The following DPF3 variants were observed in gnomAD, a reference collection of about 807,000 sequenced individuals.
The protein encoded by DPF3 is zinc finger protein DPF3.
DPF3 carries 18 observed loss-of-function variants against 56.8 expected under a neutral mutation model. The ratio of observed to expected loss-of-function variants is 0.32; its 90% confidence interval spans 0.22 to 0.47. DPF3 has a LOEUF of 0.47. Among genes scored for constraint, DPF3 ranks in the 20% least tolerant of loss-of-function variants. The pLI is 1.00. For missense variants in DPF3, 403 were observed against 488.8 expected, an observed-to-expected ratio of 0.82 and a Z score of 1.65; for synonymous variants, 188 against 180.2, an observed-to-expected ratio of 1.04 and a Z score of -0.35.
At chr14:72,625,345 T>C (rs1392101303) in intron 9 of DPF3, among the ~76,000 whole-genome samples, 1 of 152,228 alleles carries the variant, frequency 6.6e-6, no homozygotes, top group African/African-American at 2.4e-5. Flanking sequence ...GTCATTATTT[T>C]TTTGCTCAAG....
At chr14:72,698,496 T>C (rs1262386528) in intron 6 of DPF3, among the ~76,000 whole-genome samples, 1 of 152,110 alleles carries the variant, frequency 6.6e-6, no homozygotes, top group African/African-American at 2.4e-5. Context: ...CTAGGCAACA[T>C]GGTCTCTACA....
chr14:72,653,243 G>C (rs935361353), intron 8 of DPF3, among the ~76,000 whole-genome samples: 5 of 152,190 alleles, frequency 3.3e-5, no homozygotes, highest in African/African-American at 1.2e-4. Context: ...CTTCTGACAA[G>C]GCTGCTAGGA....
chr14:72,621,009 C>CGT lies in DPF3; in HGVS notation c.985-1027_985-1026dup, dbSNP rs529551826. On this transcript the variant is annotated intron_variant, in intron 9 of 10. Transcript: ENST00000556509. ...TACAAAAATTAGCCAGGCATGGTGG[C>CGT]GTGCACCTGTAATCCCAGCTACTCA... 7.9e-5 allele frequency among the ~76,000 whole-genome samples: 12 copies of CGT among 152,148 alleles called. No homozygotes were observed. In the East Asian group the frequency reaches 1.7e-3, roughly 22 times the overall value.
intron 1 of DPF3, among the ~76,000 whole-genome samples, chr14:72,828,959 A>G (rs1883936208): frequency 1.3e-5 from 2 of 152,176 alleles, no homozygotes; most frequent in Admixed American, 6.5e-5. Context: ...GGAAAAGGAG[A>G]TAATAGAAAC....
chr14:72,643,625 A>T (rs1406434821), intron 8 of DPF3, among the ~76,000 whole-genome samples: 2 of 152,116 alleles, frequency 1.3e-5, no homozygotes, highest in Admixed American at 6.5e-5. Context: ...TCACAGTCCC[A>T]CTCAGACTTG....
At chr14:72,771,596 G>GTATC in intron 2 of DPF3, 137 bp downstream of exon 2, 1 of 967,780 alleles carries the variant, frequency 1.0e-6, no homozygotes, top group Non-Finnish European at 1.4e-6. Flanking sequence ...CTTCTTTAAG[G>GTATC]TATCTCAGAG....
At chr14:72,628,522 T>C (rs746199952) in intron 9 of DPF3, among the ~76,000 whole-genome samples, 15 of 152,138 alleles carry the variant, frequency 9.9e-5, no homozygotes, top group Non-Finnish European at 1.2e-4. Context: ...CCTAACAAAA[T>C]AGTCAATCCA....
intron 9 of DPF3, 102 bp from the exon 10 acceptor site, chr14:72,620,086 A>G: frequency 2.4e-6 from 3 of 1,229,094 alleles, no homozygotes; most frequent in South Asian, 1.7e-5. Flanking sequence ...CGTCGGTCTC[A>G]CTGGATCCCC....
chr14:72,799,985 G>A (rs922816380), intron 1 of DPF3, among the ~76,000 whole-genome samples: 1 of 152,166 alleles, frequency 6.6e-6, no homozygotes, highest in African/African-American at 2.4e-5. Flanking sequence ...TTAGTTACAT[G>A]AGCCCACACA....
intron 1 of DPF3, among the ~76,000 whole-genome samples, chr14:72,878,516 C>T (rs541739833): frequency 1.3e-5 from 2 of 152,304 alleles, no homozygotes; most frequent in South Asian, 4.1e-4. Context: ...TTCACCAGAA[C>T]CCAGCCTTGG....
intron 1 of DPF3, among the ~76,000 whole-genome samples, chr14:72,827,623 C>T (rs1317789085): frequency 6.6e-6 from 1 of 150,966 alleles, no homozygotes; most frequent in Non-Finnish European, 1.5e-5. Flanking sequence ...ACTACAGGTG[C>T]CCACCGCCAT....
intron 1 of DPF3, among the ~76,000 whole-genome samples, chr14:72,893,200 C>G (rs1311592432): frequency 1.3e-5 from 2 of 152,178 alleles, no homozygotes; most frequent in East Asian, 3.9e-4. Flanking sequence ...GACGCTGCCC[C>G]CTCGGGCCAG....
At chr14:72,647,946 G>A (rs1291337814) in intron 8 of DPF3, among the ~76,000 whole-genome samples, 1 of 152,050 alleles carries the variant, frequency 6.6e-6, no homozygotes, top group Non-Finnish European at 1.5e-5. Flanking sequence ...CTCCTCTCAC[G>A]TCGTCACTGC....
chr14:72,661,854 C>CTTTTTTTT (rs60114618), intron 8 of DPF3: 1 of 699,800 alleles, frequency 1.4e-6, no homozygotes, highest in African/African-American at 2.5e-5. Context: ...TTTATTTTTG[C>CTTTTTTTT]TTTTTTTTTT....
At chr14:72,888,869 T>C (rs1886647872) in intron 1 of DPF3, among the ~76,000 whole-genome samples, 1 of 152,232 alleles carries the variant, frequency 6.6e-6, no homozygotes, top group South Asian at 2.1e-4. Flanking sequence ...TAAACAGGCC[T>C]GGATTCTGGT....
At chr14:72,892,602 C>G in intron 1 of DPF3, 2 of 1,229,046 alleles carry the variant, frequency 1.6e-6, no homozygotes, top group Non-Finnish European at 2.0e-6. Flanking sequence ...TCCCCGGGAG[C>G]GAACCTGGTT....
chr14:72,784,535 A>C (rs546990467), intron 1 of DPF3, among the ~76,000 whole-genome samples: 1 of 152,234 alleles, frequency 6.6e-6, no homozygotes, highest in Admixed American at 6.5e-5. Flanking sequence ...TTATTTTCCC[A>C]GGTTCCCATT....
intron 4 of DPF3, 108 bp downstream of exon 4, chr14:72,731,697 CTG>C (rs1182267919): frequency 2.1e-6 from 3 of 1,459,350 alleles, no homozygotes; most frequent in Non-Finnish European, 2.8e-6. Context: ...CAGTCTGAGA[CTG>C]AGCCCCGGCC....
At position 72,619,145 on chromosome 14, in the gene DPF3, C is replaced by T. The variant is rs748525520; in HGVS notation, c.*152G>A. Among the ~76,000 whole-genome samples, 94 of 152,204 alleles carry T rather than the reference C, an allele frequency of 6.2e-4. 1 individual carries two copies. The highest frequency in any genetic ancestry group is 7.8e-4 in the Admixed American group (12 of 15,290). On this transcript the variant is annotated 3_prime_UTR_variant, in exon 11 of 11. Coordinates refer to ENST00000556509, the MANE Select transcript of DPF3 (RefSeq NM_001280542.3). ...CGGGGGAGGTCAGGAGATGCCTCAC[C>T]CTCTTCGTTCCATGTGTCCCTGCCC...
Sources: allele counts gnomAD v4.1 joint callset (sites outside exome capture counted in the v4.1 genomes callset), GRCh38; gene constraint gnomAD v4.1.1; transcripts MANE v1.5; gene names NCBI Gene and HGNC (gene_info 2026-07-23, HGNC 2026-07-21).